Variants in SHPRH observed in about 807,000 individuals in gnomAD.
SHPRH encodes the protein SNF2 histone linker PHD RING helicase.
Under a neutral mutation model 202.5 loss-of-function variants are expected in SHPRH, and 106 were observed. The ratio of observed to expected loss-of-function variants is 0.52; its 90% CI spans 0.45 to 0.62. The LOEUF (loss-of-function observed/expected upper bound fraction) is 0.62. Among genes scored for constraint, SHPRH ranks in the 20% least tolerant of loss-of-function variants. SHPRH has a pLI of 0.00. For synonymous variants in SHPRH, 729 were observed against 686.0 expected (o/e 1.06, Z -0.98); for missense variants, 1,710 against 2,020.0 (o/e 0.85, Z 2.94).
In SHPRH at chr6:145,945,522, G is replaced by T; in HGVS notation, c.1437C>A (p.Asn479Lys). ...TCAGCATCCGTTTCAAAAGACTCCT[G>T]TTCCGTTGAACATCGTATCTATATA... ...SSIYRYDVQR[N>K]RSLLKRMLKC... Residue 479 changes from asparagine (N) to lysine (K), a missense_variant, in exon 8 of 30, where the codon AAC becomes AAA. Around this residue, in one of 8 missense-constraint regions of SHPRH, gnomAD observed 348 missense variants for 356.9 expected, o/e 0.97. Coordinates refer to ENST00000275233, the MANE Select transcript of SHPRH (RefSeq NM_001042683.3). The T allele has an allele frequency of 6.2e-7, 1 of 1,613,234 alleles. No homozygotes were observed. Among genetic ancestry groups the T allele is most frequent in the South Asian group, 1.1e-5 (1 of 91,060 alleles).
chr6:145,963,506 C>G (rs1789320391), intron 1 of SHPRH, among the ~76,000 whole-genome samples: 1 of 152,170 alleles, frequency 6.6e-6, no homozygotes, highest in African/African-American at 2.4e-5. Context: ...AAATAACACC[C>G]TATCTTCGTT....
chr6:145,913,385 G>C, intron 24 of SHPRH, 93 bp downstream of exon 24: 1 of 1,144,014 alleles, frequency 8.7e-7, no homozygotes, highest in Non-Finnish European at 1.3e-6. Context: ...ATAGAAACTA[G>C]TGGTGAGAAA....
the SHPRH span, among the ~76,000 whole-genome samples, chr6:145,858,341 T>C: frequency 6.6e-6 from 1 of 152,080 alleles, no homozygotes; most frequent in Non-Finnish European, 1.5e-5. Context: ...AATAAATATA[T>C]TGTGGTGTGG....
intron 25 of SHPRH, among the ~76,000 whole-genome samples, chr6:145,900,070 G>A (rs1562297872): frequency 6.6e-6 from 1 of 152,074 alleles, no homozygotes; most frequent in East Asian, 1.9e-4. Flanking sequence ...CAAATTAGTA[G>A]AGCCATTTTG....
At position 145,935,048 on chromosome 6, in the gene SHPRH, C is replaced by T. The variant is rs371512056; in HGVS notation, c.2849G>A (p.Arg950Lys). Residue 950 changes from arginine (R) to lysine (K), a missense_variant, in exon 13 of 30, where the codon AGG becomes AAG. This residue lies in a region of SHPRH where 277 missense variants were observed against 363.0 expected (regional missense o/e 0.76). Coordinates refer to ENST00000275233, the MANE Select transcript of SHPRH (RefSeq NM_001042683.3). ...VCCQDVVVKL[R>K]KISDWALKLS... The stretch of plus-strand genomic sequence containing the variant: ...CTTCAGAGCCCAGTCAGAAATCTTC[C>T]TGAGTTTTACCACCACATCCTGGCA... The T allele has an allele frequency of 7.4e-6, 12 of 1,613,856 alleles. No homozygotes were observed. In the African/African-American group the frequency reaches 1.1e-4, roughly 14 times the overall value.
At chr6:145,914,664 T>C (rs1783792243) in intron 23 of SHPRH, among the ~76,000 whole-genome samples, 1 of 152,194 alleles carries the variant, frequency 6.6e-6, no homozygotes, top group South Asian at 2.1e-4. Flanking sequence ...CTGTCACATA[T>C]TTTTACTTTC....
intron 25 of SHPRH, 23 bp from the exon 26 acceptor site, chr6:145,895,000 C>A (rs1425539748): frequency 6.3e-7 from 1 of 1,596,970 alleles, no homozygotes; most frequent in African/African-American, 1.3e-5. Context: ...ACACAAAATA[C>A]ACATTACTAC....
intron 11 of SHPRH, among the ~76,000 whole-genome samples, chr6:145,936,987 T>C (rs1032554213): frequency 5.4e-5 from 8 of 148,230 alleles, no homozygotes; most frequent in African/African-American, 1.5e-4. Context: ...TCTTTTTTTT[T>C]TTTTTTTTTT....
At chr6:145,889,560 G>C (rs1002774653) in intron 28 of SHPRH, among the ~76,000 whole-genome samples, 3 of 152,036 alleles carry the variant, frequency 2.0e-5, no homozygotes, top group African/African-American at 7.2e-5. Flanking sequence ...CATTAAAAAC[G>C]TTGTTTTGTG....
chr6:145,921,597 C>T (rs1037717220), intron 20 of SHPRH, among the ~76,000 whole-genome samples: 2 of 151,502 alleles, frequency 1.3e-5, no homozygotes, highest in African/African-American at 4.8e-5. Flanking sequence ...GCTACTGATT[C>T]ATTTGCCATA....
At chr6:145,936,027 T>C (rs1283606903) in intron 11 of SHPRH, among the ~76,000 whole-genome samples, 1 of 152,180 alleles carries the variant, frequency 6.6e-6, no homozygotes, top group African/African-American at 2.4e-5. Flanking sequence ...TCCCACAAAA[T>C]AGAACTATTT....
chr6:145,888,222 G>C (rs1781262517), intron 28 of SHPRH, 122 bp from the exon 29 acceptor site: 1 of 642,052 alleles, frequency 1.6e-6, no homozygotes, highest in Non-Finnish European at 2.7e-6. Flanking sequence ...CAGGTGCTGG[G>C]AGGGGTTCAG....
intron 8 of SHPRH, among the ~76,000 whole-genome samples, chr6:145,944,655 A>T (rs1004822559): frequency 6.6e-6 from 1 of 151,848 alleles, no homozygotes; most frequent in Non-Finnish European, 1.5e-5. Context: ...CAGAAAATAA[A>T]TTTTTTGTCT....
intron 20 of SHPRH, 148 bp from the exon 21 acceptor site, chr6:145,921,540 G>GTTT: frequency 2.4e-5 from 13 of 547,050 alleles, no homozygotes; most frequent in South Asian, 5.1e-5. Context: ...AATTTGGCCA[G>GTTT]TTTTTTTTTT....
intron 13 of SHPRH, among the ~76,000 whole-genome samples, chr6:145,934,284 T>C (rs1223733602): frequency 6.6e-6 from 1 of 151,468 alleles, no homozygotes; most frequent in African/African-American, 2.4e-5. Flanking sequence ...CTGACCAACA[T>C]GATGAAACCC....
intron 26 of SHPRH, among the ~76,000 whole-genome samples, chr6:145,894,493 T>C (rs1414318263): frequency 6.6e-6 from 1 of 151,088 alleles, no homozygotes; most frequent in Non-Finnish European, 1.5e-5. Flanking sequence ...AAATACATAA[T>C]GGAGTGCATA....
At chr6:145,945,343 C>G in intron 8 of SHPRH, 38 bp downstream of exon 8, 1 of 1,571,830 alleles carries the variant, frequency 6.4e-7, no homozygotes, top group South Asian at 1.2e-5. Flanking sequence ...GTATCACATA[C>G]GTGTACTTAA....
intron 9 of SHPRH, 36 bp downstream of exon 9, chr6:145,943,107 C>G (rs1786971012): frequency 6.6e-7 from 1 of 1,522,460 alleles, no homozygotes; most frequent in African/African-American, 1.4e-5. Flanking sequence ...CAAAACTTTA[C>G]ATTTTCCTCT....
At chr6:145,955,425 A>T in intron 1 of SHPRH, 71 bp from the exon 2 acceptor site, 2 of 1,393,246 alleles carry the variant, frequency 1.4e-6, no homozygotes, top group Non-Finnish European at 9.6e-7. Context: ...CCAGATGAGA[A>T]ATTCAGCATA....
Sources: allele counts gnomAD v4.1 joint callset (sites outside exome capture counted in the v4.1 genomes callset), GRCh38; gene constraint gnomAD v4.1.1; regional missense constraint gnomAD v4.1.1; transcripts MANE v1.5; gene names NCBI Gene and HGNC (gene_info 2026-07-23, HGNC 2026-07-21).